SLC17A2: variants seen among roughly 807,000 people sequenced by gnomAD.
SLC17A2 encodes the protein solute carrier family 17 member 2.
A neutral mutation model predicts 52.1 loss-of-function variants in SLC17A2; 38 were observed. The observed-to-expected ratio is 0.73, with a 90% CI of 0.56 to 0.96. The LOEUF (loss-of-function observed/expected upper bound fraction) is 0.96. Among genes scored for constraint, SLC17A2 ranks in the 40% least tolerant of loss-of-function variants. The pLI is 0.00. For missense variants in SLC17A2, 508 were observed against 583.9 expected, an observed-to-expected ratio of 0.87 and a Z score of 1.34; for synonymous variants, 226 against 211.9, an observed-to-expected ratio of 1.07 and a Z score of -0.58.
intron 5 of SLC17A2, among the ~76,000 whole-genome samples, chr6:25,919,692 A>T (rs2856644): frequency 7.9e-6 from 1 of 126,050 alleles, no homozygotes; most frequent in Non-Finnish European, 1.6e-5. Flanking sequence ...AGAGTGAGAC[A>T]CCGTCTCAAA....
At position 25,915,598 on chromosome 6, in the gene SLC17A2, G is replaced by A. The variant is rs767504915; in HGVS notation, c.1112C>T (p.Ser371Phe). 4 of 1,613,370 alleles carry A rather than the reference G, an allele frequency of 2.5e-6. No homozygotes were observed. The highest frequency in any genetic ancestry group is 2.7e-5 in the African/African-American group (2 of 74,862). The change falls in exon 10 of 12, where the codon TCC becomes TTC. Residue 371 changes from serine (S) to phenylalanine (F), a missense_variant. Transcript: ENST00000377850. ...ICAVALPFVA[S>F]SYVITIILLI... is the part of the protein sequence containing the mutation. The stretch of plus-strand genomic sequence containing the variant: ...CAAAATAATGGTTATCACGTAACTG[G>A]AGGCCACAAAGGGCAGGGCCACAGC...
chr6:25,921,287 A>C lies in SLC17A2; in HGVS notation c.366T>G (p.Leu122=). Residue 122 remains leucine, a synonymous_variant, in exon 4 of 12, where the codon CTT becomes CTG. Coordinates refer to ENST00000377850, the MANE Select transcript of SLC17A2 (RefSeq NM_001286123.3). ...GGGAAGAGATCAGCAAACCAGCACCAAGCATTTTTTTTGCTCCAAATATCC... is the reference window on the plus strand; with the variant it reads ...GGGAAGAGATCAGCAAACCAGCACCCAGCATTTTTTTTGCTCCAAATATCC... ...LAGIFGAKKM[L]GAGLLISSLL... 6.2e-7 allele frequency: 1 copy of C among 1,614,172 alleles called. No homozygotes were observed. Among genetic ancestry groups the C allele is most frequent in the South Asian group, 1.1e-5 (1 of 91,076 alleles).
rs1766417068 is a variant in SLC17A2, at chr6:25,918,548, G to C, written c.588C>G (p.Ile196Met). ...GTGAGATTAGTCCCCCCACACAGAG[G>C]ATGATGAAGGATCCAAATGCTGACC... is the stretch of plus-strand genomic sequence containing the variant. Reference protein sequence around the residue: ...GSGSAFGSFIILCVGGLISQA... With the variant: ...GSGSAFGSFIMLCVGGLISQA... The change falls in exon 6 of 12, where the codon ATC (isoleucine) becomes ATG (methionine). Residue 196 changes from isoleucine (I) to methionine (M), a missense_variant. Physicochemically the swap from Ile to Met is conservative, Grantham distance 10 (BLOSUM62 1). Transcript: ENST00000377850. The C allele has an allele frequency of 6.2e-7, 1 of 1,612,950 alleles. No homozygotes were observed. Among genetic ancestry groups the C allele is most frequent in the South Asian group, 1.1e-5 (1 of 91,064 alleles).
Position 25,921,244 on chromosome 6 carries a change from G to GT in SLC17A2, c.408dup (p.Pro137ThrfsTer5). The GT allele has an allele frequency of 1.9e-6, 3 of 1,614,166 alleles. No homozygotes were observed. Among genetic ancestry groups the GT allele is most frequent in the Non-Finnish European group, 2.5e-6 (3 of 1,180,040 alleles). ...ATCACTCCGAAGTCAGCAGCCAGTG[G>GT]TGTAAAGAGGGTGAGAAGGGAAGAG... On this transcript the variant is annotated frameshift_variant, in exon 4 of 12. Transcript: ENST00000377850. LOFTEE classifies it high-confidence loss of function.
chr6:25,916,813 C>G lies in SLC17A2; in HGVS notation c.802G>C (p.Ala268Pro). The change falls in exon 8 of 12, where the codon GCG becomes CCG. Residue 268 changes from alanine (A) to proline (P), a missense_variant. Transcript: ENST00000377850. ...CAAAGTGGTAGGCATGTGACCATCG[C>G]CTTTATGGGGACAGCTCGTCCAGGA... ...SSPGRAVPIK[A>P]MVTCLPLWAI... The G allele has an allele frequency of 6.2e-7, 1 of 1,614,100 alleles. No individual in the cohort carries two copies. The highest frequency in any genetic ancestry group is 8.5e-7 in the Non-Finnish European group (1 of 1,180,014).
At chr6:25,920,765 T>G (rs946401503) in intron 5 of SLC17A2, among the ~76,000 whole-genome samples, 1 of 152,208 alleles carries the variant, frequency 6.6e-6, no homozygotes, top group African/African-American at 2.4e-5. Context: ...TACTAAGGCT[T>G]TTCTGACTAC....
At chr6:25,914,737 A>AGAATTCAATTCAG (rs2151542047) in intron 10 of SLC17A2, 67 bp from the exon 11 acceptor site, 1 of 962,144 alleles carries the variant, frequency 1.0e-6, no homozygotes, top group African/African-American at 1.6e-5. Context: ...CAGCAACTCA[A>AGAATTCAATTCAG]CTTTAATGCA....
chr6:25,917,927 G>C (rs766248200), intron 6 of SLC17A2, among the ~76,000 whole-genome samples: 5 of 152,138 alleles, frequency 3.3e-5, no homozygotes, highest in Non-Finnish European at 5.9e-5. Context: ...AAGAAAAGGA[G>C]AAATAAATAA....
At chr6:25,919,699 CAAAAAAAAAAAAAA>C (rs766352177) in intron 5 of SLC17A2, among the ~76,000 whole-genome samples, 8 of 31,152 alleles carry the variant, frequency 2.6e-4, no homozygotes, top group African/African-American at 3.0e-4. Flanking sequence ...GACACCGTCT[CAAAAAAAAAAAAAA>C]AAAAAAAAAA....
intron 5 of SLC17A2, among the ~76,000 whole-genome samples, chr6:25,919,397 G>T (rs1035497634): frequency 1.3e-5 from 2 of 152,020 alleles, no homozygotes; most frequent in East Asian, 3.9e-4. Flanking sequence ...AGGATAAATT[G>T]ATAATAATTA....
At position 25,925,898 on chromosome 6, in the gene SLC17A2, C is replaced by T; in HGVS notation, c.-83-19G>A. 1 of 1,190,012 alleles carries T rather than the reference C, an allele frequency of 8.4e-7. No homozygotes were observed. Among genetic ancestry groups the T allele is most frequent in the Non-Finnish European group, 1.3e-6 (1 of 793,266 alleles). The allele number at this position is 1,190,012 out of a possible 1,614,324, so 73.7% of individuals were successfully genotyped here. On this transcript the variant is annotated intron_variant, in intron 1 of 11. Transcript: ENST00000377850. Reference sequence around the variant, plus strand: ...CTTTTATCTATGGAGAGAACATAATCCAAAACATAATACACAAATAATTTC... The same window carrying T: ...CTTTTATCTATGGAGAGAACATAATTCAAAACATAATACACAAATAATTTC...
At chr6:25,928,472 G>T (rs1766840312) in intron 1 of SLC17A2, among the ~76,000 whole-genome samples, 1 of 152,032 alleles carries the variant, frequency 6.6e-6, no homozygotes. Context: ...CATCACTTTA[G>T]TTTTTCTTCC....
intron 5 of SLC17A2, among the ~76,000 whole-genome samples, chr6:25,920,113 T>A (rs1766495928): frequency 1.3e-5 from 2 of 152,120 alleles, no homozygotes; most frequent in Admixed American, 1.3e-4. Flanking sequence ...AAGAGAGAGA[T>A]CAGCAGATAG....
At position 25,924,685 on chromosome 6, in the gene SLC17A2, T is replaced by C. The variant is rs1266027704; in HGVS notation, c.29-779A>G. On this transcript the variant is annotated intron_variant, in intron 2 of 11. Transcript: ENST00000377850. ...TTACCCAGGCATGGTGATGCATGCCTGTAATCCCAGCTACTCGGGAGGCTG... is the reference window on the plus strand; with the variant it reads ...TTACCCAGGCATGGTGATGCATGCCCGTAATCCCAGCTACTCGGGAGGCTG... Among the ~76,000 whole-genome samples the C allele has an allele frequency of 5.9e-5, 9 of 151,882 alleles. No individual in the cohort carries two copies. In the East Asian group the frequency reaches 1.4e-3, roughly 23 times the overall value.
chr6:25,926,819 C>A (rs1766780974), intron 1 of SLC17A2, among the ~76,000 whole-genome samples: 1 of 152,162 alleles, frequency 6.6e-6, no homozygotes, highest in African/African-American at 2.4e-5. Flanking sequence ...GTAATCCCAG[C>A]ACTTTGGGAG....
At chr6:25,919,198 C>T (rs748870484) in intron 5 of SLC17A2, among the ~76,000 whole-genome samples, 2 of 151,984 alleles carry the variant, frequency 1.3e-5, no homozygotes, top group Non-Finnish European at 2.9e-5. Context: ...TTTCATGAAT[C>T]GATATTTAAC....
intron 2 of SLC17A2, among the ~76,000 whole-genome samples, chr6:25,925,510 CAAAAA>C (rs71763063): frequency 1.0e-5 from 1 of 95,898 alleles, no homozygotes. Context: ...AAGACTCAGT[CAAAAA>C]AAAAAAAAAA....
At chr6:25,922,407 A>C (rs1220858575) in intron 3 of SLC17A2, among the ~76,000 whole-genome samples, 1 of 152,212 alleles carries the variant, frequency 6.6e-6, no homozygotes, top group Non-Finnish European at 1.5e-5. Context: ...ACTAACAGGG[A>C]CTCTGGCTTG....
Position 25,921,258 on chromosome 6 carries a change from A to G in SLC17A2, c.395T>C (p.Leu132Pro). Residue 132 changes from leucine to proline, a missense_variant, in exon 4 of 12, where the codon CTC becomes CCC. Leu to Pro is a moderately conservative substitution (Grantham distance 98). Coordinates refer to ENST00000377850, the MANE Select transcript of SLC17A2 (RefSeq NM_001286123.3). ...LGAGLLISSL[L>P]TLFTPLAADF... ...AGCAGCCAGTGGTGTAAAGAGGGTGAGAAGGGAAGAGATCAGCAAACCAGC... is the reference window on the plus strand; with the variant it reads ...AGCAGCCAGTGGTGTAAAGAGGGTGGGAAGGGAAGAGATCAGCAAACCAGC... 1 of 1,614,194 alleles carries G rather than the reference A, an allele frequency of 6.2e-7. No homozygotes were observed.
Sources: allele counts gnomAD v4.1 joint callset (sites outside exome capture counted in the v4.1 genomes callset), GRCh38; gene constraint gnomAD v4.1.1; transcripts MANE v1.5; gene names NCBI Gene and HGNC (gene_info 2026-07-23, HGNC 2026-07-21).